The following AREL1 variants were observed in gnomAD, a reference collection of about 807,000 sequenced individuals.
AREL1 encodes apoptosis-resistant E3 ubiquitin protein ligase 1.
AREL1 carries 62 observed loss-of-function variants against 99.0 expected under a neutral mutation model. That is an observed-to-expected ratio of 0.63 (90% CI 0.51 to 0.77). The LOEUF (loss-of-function observed/expected upper bound fraction) is 0.77. Ranked by LOEUF, AREL1 falls within the 30% of genes least tolerant of loss-of-function variation. The pLI is 0.00. For synonymous variants in AREL1, 380 were observed against 376.5 expected (o/e 1.01, Z -0.11); for missense variants, 879 against 1,027.6 (o/e 0.86, Z 1.98).
chr14:74,695,045 C>A (rs1594775348), intron 1 of AREL1, among the ~76,000 whole-genome samples: 1 of 141,200 alleles, frequency 7.1e-6, no homozygotes. Flanking sequence ...ATTAAGATAA[C>A]AGATTATACT....
At chr14:74,693,269 T>C (rs1009326462) in intron 1 of AREL1, among the ~76,000 whole-genome samples, 5 of 152,218 alleles carry the variant, frequency 3.3e-5, no homozygotes, top group African/African-American at 1.2e-4. Context: ...TGCCCACATA[T>C]GCATTTCCAA....
rs1354283192 is a variant in AREL1, at chr14:74,670,080, T to C, written c.1655A>G (p.Tyr552Cys). ...NRPAHLRLKM[Y>C]EFAGRLVGKC... ...GCCCACGAGCCGTCCCGCAAACTCA[T>C]ACATTTTCAGGCGCAGATGAGCGGG... The change falls in exon 14 of 20, where the codon TAT (tyrosine) becomes TGT (cysteine). Residue 552 changes from tyrosine (Y) to cysteine (C), a missense_variant. Transcript: ENST00000356357. The C allele has an allele frequency of 3.1e-6, 5 of 1,613,654 alleles. No homozygotes were observed. The highest frequency in any genetic ancestry group is 4.2e-6 in the Non-Finnish European group (5 of 1,179,716).
Position 74,662,541 on chromosome 14 carries a change from G to A in AREL1, c.*1179C>T, listed in dbSNP as rs934170710. 1.8e-5 allele frequency: 7 copies of A among 398,500 alleles called. No individual in the cohort carries two copies. Among genetic ancestry groups the A allele is most frequent in the Non-Finnish European group, 2.2e-5 (5 of 226,052 alleles). The allele number at this position is 398,500 out of a possible 1,614,324, so 24.7% of individuals were successfully genotyped here. On this transcript the variant is annotated 3_prime_UTR_variant, in exon 20 of 20. Transcript: ENST00000356357. ...GGTACTCTTCAATCATCATTCAACA[G>A]TGAACCTAATAAGCTTCCTCCCTCC...
At chr14:74,704,361 A>G (rs2090138346) in intron 1 of AREL1, among the ~76,000 whole-genome samples, 1 of 152,204 alleles carries the variant, frequency 6.6e-6, no homozygotes, top group African/African-American at 2.4e-5. Context: ...GCTTGCTTTT[A>G]TACATTTTAG....
rs2089098361 is a variant in AREL1, at chr14:74,662,187, A to G, written c.*1533T>C. On this transcript the variant is annotated 3_prime_UTR_variant, in exon 20 of 20. Transcript: ENST00000356357. ...CAAGAAAGGACAAATGATGACTGCGAAAGACTGAGGTCAGGCAGGAACTGT... is the reference window on the plus strand; with the variant it reads ...CAAGAAAGGACAAATGATGACTGCGGAAGACTGAGGTCAGGCAGGAACTGT... 1 of 169,824 alleles carries G rather than the reference A, an allele frequency of 5.9e-6. No individual in the cohort carries two copies. Among genetic ancestry groups the G allele is most frequent in the South Asian group, 2.0e-4 (1 of 4,966 alleles). 10.5% of individuals were successfully genotyped at this position (169,824 alleles called of 1,614,324 possible).
At chr14:74,703,625 A>AT (rs1377051732) in intron 1 of AREL1, among the ~76,000 whole-genome samples, 1 of 152,210 alleles carries the variant, frequency 6.6e-6, no homozygotes, top group Non-Finnish European at 1.5e-5. Flanking sequence ...TTCACTTAGC[A>AT]TAATGGTTCT....
At chr14:74,669,601 C>G in intron 15 of AREL1, 48 bp downstream of exon 15, 1 of 1,597,080 alleles carries the variant, frequency 6.3e-7, no homozygotes, top group Non-Finnish European at 8.5e-7. Context: ...TCCTGCTCTA[C>G]AGGAAACTGG....
chr14:74,671,720 A>C (rs979139622), intron 11 of AREL1, among the ~76,000 whole-genome samples: 3 of 152,250 alleles, frequency 2.0e-5, no homozygotes, highest in Non-Finnish European at 2.9e-5. Context: ...TTTGTTGGAA[A>C]GCTGAAGTTG....
chr14:74,680,923 C>T (rs1447371460), intron 5 of AREL1, among the ~76,000 whole-genome samples: 1 of 152,192 alleles, frequency 6.6e-6, no homozygotes, highest in Admixed American at 6.5e-5. Context: ...TGGCTCATGC[C>T]TGTAATCCCA....
At chr14:74,691,324 TAAAAAAAAAAAA>T (rs11407786) in intron 2 of AREL1, among the ~76,000 whole-genome samples, 2 of 72,800 alleles carry the variant, frequency 2.7e-5, no homozygotes, top group South Asian at 6.3e-4. Flanking sequence ...TGTCTCCATT[TAAAAAAAAAAAA>T]AAAAAAAAAA....
chr14:74,711,146 G>A (rs868200117), intron 1 of AREL1, among the ~76,000 whole-genome samples: 2 of 151,446 alleles, frequency 1.3e-5, no homozygotes, highest in Non-Finnish European at 2.9e-5. Context: ...CAGGAGAATC[G>A]CTTAAACCTG....
chr14:74,674,753 CCTT>C (rs1426366595), intron 8 of AREL1, among the ~76,000 whole-genome samples: 1 of 152,150 alleles, frequency 6.6e-6, no homozygotes, highest in East Asian at 1.9e-4. Context: ...ATCAAAATCT[CCTT>C]CTGCTCAGCC....
chr14:74,681,490 G>C (rs1331345766), intron 5 of AREL1, among the ~76,000 whole-genome samples: 1 of 150,132 alleles, frequency 6.7e-6, no homozygotes, highest in Non-Finnish European at 1.5e-5. Flanking sequence ...GGTTGGGGAT[G>C]GGGGGCAGGT....
intron 1 of AREL1, among the ~76,000 whole-genome samples, chr14:74,703,937 A>G (rs545106645): frequency 6.6e-6 from 1 of 152,326 alleles, no homozygotes; most frequent in African/African-American, 2.4e-5. Context: ...CGGCTGGACC[A>G]CTTTGCATTT....
At chr14:74,705,844 T>C (rs1019867012) in intron 1 of AREL1, among the ~76,000 whole-genome samples, 1 of 152,236 alleles carries the variant, frequency 6.6e-6, no homozygotes, top group Non-Finnish European at 1.5e-5. Context: ...ATAGCTTAGA[T>C]TCAGCTGTCC....
Position 74,684,483 on chromosome 14 carries a change from C to G in AREL1, c.214G>C (p.Val72Leu). 1 of 1,614,132 alleles carries G rather than the reference C, an allele frequency of 6.2e-7. No homozygotes were observed. The highest frequency in any genetic ancestry group is 8.5e-7 in the Non-Finnish European group (1 of 1,180,016). The change falls in exon 4 of 20, where the codon GTG becomes CTG. Residue 72 changes from valine to leucine, a missense_variant. By Grantham distance (32) the Val-to-Leu change is conservative. Transcript: ENST00000356357. Reference sequence around the variant, plus strand: ...ACTCGGAAGGCCATGCTGTGGCCCACCTCATAGGGGTCCTTCCAATCCCAG... The same window carrying G: ...ACTCGGAAGGCCATGCTGTGGCCCAGCTCATAGGGGTCCTTCCAATCCCAG... ...VSWDWKDPYE[V>L]GHSMAFRVHL...
intron 1 of AREL1, among the ~76,000 whole-genome samples, chr14:74,707,948 C>A (rs1481448129): frequency 9.4e-5 from 14 of 148,746 alleles, no homozygotes; most frequent in African/African-American, 3.2e-4. Context: ...CAGAGTGAGA[C>A]CTTCGCCTCA....
Position 74,699,623 on chromosome 14 carries a change from AT to A in AREL1, c.-333-7296del, listed in dbSNP as rs2090046291. On this transcript the variant is annotated intron_variant, in intron 1 of 19. Transcript: ENST00000356357. Reference sequence around the variant, plus strand: ...ATATGTATATTATGTTCTGGTCTTTATTTAAAATAGTTTGGTGATATTTTTG... The same window carrying A: ...ATATGTATATTATGTTCTGGTCTTTATTAAAATAGTTTGGTGATATTTTTG... Among the ~76,000 whole-genome samples the A allele has an allele frequency of 2.0e-5, 3 of 152,114 alleles. No homozygotes were observed. In the South Asian group the frequency reaches 6.2e-4, roughly 32 times the overall value.
At chr14:74,694,175 AAAAT>A (rs3080652) in intron 1 of AREL1, among the ~76,000 whole-genome samples, 47,004 of 150,544 alleles carry the variant, frequency 0.31, 8,639 homozygotes, top group African/African-American at 0.51. Flanking sequence ...ACCCAGTCTC[AAAAT>A]AAATAAATAA....
Sources: allele counts gnomAD v4.1 joint callset (sites outside exome capture counted in the v4.1 genomes callset), GRCh38; gene constraint gnomAD v4.1.1; transcripts MANE v1.5; gene names NCBI Gene and HGNC (gene_info 2026-07-23, HGNC 2026-07-21).